Variants in CCDC80 observed in about 807,000 individuals in gnomAD.
The protein encoded by CCDC80 is coiled-coil domain containing 80.
A neutral mutation model predicts 78.7 loss-of-function variants in CCDC80; 49 were observed. The observed-to-expected ratio is 0.62, with a 90% CI of 0.50 to 0.79. The LOEUF is 0.79. Among genes scored for constraint, CCDC80 ranks in the 30% least tolerant of loss-of-function variants. The pLI is 0.00. For synonymous variants in CCDC80, 488 were observed against 447.0 expected, an observed-to-expected ratio of 1.09 and a Z score of -1.16; for missense variants, 1,205 against 1,198.6, an observed-to-expected ratio of 1.01 and a Z score of -0.08.
intron 3 of CCDC80, among the ~76,000 whole-genome samples, chr3:112,629,017 T>C (rs1021326254): frequency 3.5e-4 from 53 of 152,142 alleles, no homozygotes; most frequent in Non-Finnish European, 1.6e-4. Context: ...AAAAATATGA[T>C]TTAGAAGGCT....
chr3:112,621,115 T>C (rs1458526309), intron 3 of CCDC80, among the ~76,000 whole-genome samples: 1 of 152,170 alleles, frequency 6.6e-6, no homozygotes, highest in Non-Finnish European at 1.5e-5. Flanking sequence ...ACCCTATACC[T>C]ATGCCCAGTA....
chr3:112,607,145 T>G (rs751309220), intron 7 of CCDC80, 31 bp downstream of exon 7: 1 of 1,503,210 alleles, frequency 6.7e-7, no homozygotes, highest in East Asian at 2.3e-5. Context: ...TTAACACTAG[T>G]TCATACTGTT....
At chr3:112,623,764 G>GCCC (rs1935913005) in intron 3 of CCDC80, among the ~76,000 whole-genome samples, 1 of 151,616 alleles carries the variant, frequency 6.6e-6, no homozygotes, top group Non-Finnish European at 1.5e-5. Context: ...TTATGCTCCA[G>GCCC]CCCCCTATTT....
rs1576799766 is a variant in CCDC80 at position 112,641,071 on chromosome 3, A to G, written c.-756T>C. On this transcript the variant is annotated 5_prime_UTR_variant, in exon 1 of 8. Transcript: ENST00000206423. ...TCAAGGAAACTTCACTAAGAATTTA[A>G]CAGATCAGCAAAACACCGCCTCCTT... 1 of 152,282 alleles carries G rather than the reference A, an allele frequency of 6.6e-6. No individual in the cohort carries two copies. Among genetic ancestry groups the G allele is most frequent in the African/African-American group, 2.4e-5 (1 of 41,458 alleles). 9.4% of individuals were successfully genotyped at this position (152,282 alleles called of 1,614,324 possible). A position where few individuals can be genotyped will look rare whatever the true frequency, so the allele number is the denominator to read the frequency against.
At chr3:112,605,833 G>A (rs911535484) in intron 7 of CCDC80, 70 bp from the exon 8 acceptor site, 1 of 1,297,582 alleles carries the variant, frequency 7.7e-7, no homozygotes, top group African/African-American at 1.5e-5. Context: ...ATTAAAGTGT[G>A]AGGAAATTAC....
rs940436409 is a variant in CCDC80, at chr3:112,597,419, T to A, written c.*7998A>T. Reference sequence around the variant, plus strand: ...ACTGCAGAGCTTCTTCACGTTGGAATGGTGAATAGGTACACATTTCTCAAA... The same window carrying A: ...ACTGCAGAGCTTCTTCACGTTGGAAAGGTGAATAGGTACACATTTCTCAAA... On this transcript the variant is annotated 3_prime_UTR_variant, in exon 8 of 8. Coordinates refer to ENST00000206423, the MANE Select transcript of CCDC80 (RefSeq NM_199511.3). The A allele has an allele frequency of 3.3e-5, 5 of 152,240 alleles. No individual in the cohort carries two copies. The highest frequency in any genetic ancestry group is 1.2e-4 in the African/African-American group (5 of 41,472). 9.4% of individuals were successfully genotyped at this position (152,240 alleles called of 1,614,324 possible).
intron 5 of CCDC80, 135 bp from the exon 6 acceptor site, chr3:112,610,216 T>G: frequency 1.4e-6 from 1 of 723,578 alleles, no homozygotes; most frequent in African/African-American, 1.8e-5. Context: ...CAGAGAACTG[T>G]CCCATGCTTC....
chr3:112,605,601 T>C lies in CCDC80; in HGVS notation c.2669A>G (p.Tyr890Cys). The C allele has an allele frequency of 6.2e-7, 1 of 1,614,190 alleles. No homozygotes were observed. The highest frequency in any genetic ancestry group is 1.3e-5 in the African/African-American group (1 of 75,050). The change falls in exon 8 of 8, where the codon TAC (tyrosine) becomes TGC (cysteine). Residue 890 changes from tyrosine to cysteine, a missense_variant. Transcript: ENST00000206423. ...PSPMWSMVIV[Y>C]DLIDSMQLRR... ...AAGTTGCATCGAATCAATTAAATCGTACACAATCACCATGGACCACATTGG... is the reference window on the plus strand; with the variant it reads ...AAGTTGCATCGAATCAATTAAATCGCACACAATCACCATGGACCACATTGG...
Position 112,602,163 on chromosome 3 carries a change from T to C in CCDC80, c.*3254A>G, listed in dbSNP as rs1559872523. ...ATTAAAATCTGTAGTCAACGATCTT[T>C]GATGTTGCTATTATAATTACTGGGG... On this transcript the variant is annotated 3_prime_UTR_variant, in exon 8 of 8. Coordinates refer to ENST00000206423, the MANE Select transcript of CCDC80 (RefSeq NM_199511.3). 1 of 152,240 alleles carries C rather than the reference T, an allele frequency of 6.6e-6. No homozygotes were observed. The highest frequency in any genetic ancestry group is 1.5e-5 in the Non-Finnish European group (1 of 68,036). 9.4% of individuals were successfully genotyped at this position (152,240 alleles called of 1,614,324 possible). A position where few individuals can be genotyped will look rare whatever the true frequency, so the allele number is the denominator to read the frequency against.
At position 112,597,986 on chromosome 3, in the gene CCDC80, G is replaced by A. The variant is rs777593359; in HGVS notation, c.*7431C>T. On this transcript the variant is annotated 3_prime_UTR_variant, in exon 8 of 8. Transcript: ENST00000206423. ...AAATACAATAAATGTTTGAATTATC[G>A]TATAACTTGAGTCTAAATTTTAAGT... is the stretch of plus-strand genomic sequence containing the variant. 12 of 152,072 alleles carry A rather than the reference G, an allele frequency of 7.9e-5. No individual in the cohort carries two copies. The highest frequency in any genetic ancestry group is 2.7e-4 in the African/African-American group (11 of 41,400). 9.4% of individuals were successfully genotyped at this position (152,072 alleles called of 1,614,324 possible). A position where few individuals can be genotyped will look rare whatever the true frequency, so the allele number is the denominator to read the frequency against.
chr3:112,610,159 TA>T, intron 5 of CCDC80, 78 bp from the exon 6 acceptor site: 4 of 1,256,022 alleles, frequency 3.2e-6, no homozygotes, highest in Middle Eastern at 1.9e-4. Context: ...CAGAGTGACT[TA>T]GGCTAGCAAT....
Position 112,639,775 on chromosome 3 carries a change from T to C in CCDC80, c.131A>G (p.Asp44Gly), listed in dbSNP as rs199780053. 1 of 1,614,146 alleles carries C rather than the reference T, an allele frequency of 6.2e-7. No homozygotes were observed. Among genetic ancestry groups the C allele is most frequent in the East Asian group, 2.2e-5 (1 of 44,872 alleles). ...GGRKVPLVSP[D>G]SSRPARFLRH... Reference sequence around the variant, plus strand: ...CAGAAACCGAGCTGGCCTACTGCTGTCCGGAGAAACCAAAGGCACTTTCCG... The same window carrying C: ...CAGAAACCGAGCTGGCCTACTGCTGCCCGGAGAAACCAAAGGCACTTTCCG... Residue 44 changes from aspartate to glycine, a missense_variant, in exon 2 of 8, where the codon GAC becomes GGC. Coordinates refer to ENST00000206423, the MANE Select transcript of CCDC80 (RefSeq NM_199511.3).
Position 112,601,246 on chromosome 3 carries a change from T to C in CCDC80, c.*4171A>G, listed in dbSNP as rs1559872235. Reference sequence around the variant, plus strand: ...ATTTATTTATAACAAAGTTCAGATATAAAGAAAAATCTGAACATACAGTAG... The same window carrying C: ...ATTTATTTATAACAAAGTTCAGATACAAAGAAAAATCTGAACATACAGTAG... On this transcript the variant is annotated 3_prime_UTR_variant, in exon 8 of 8. Transcript: ENST00000206423. 6.6e-6 allele frequency: 1 copy of C among 152,164 alleles called. No individual in the cohort carries two copies. Among genetic ancestry groups the C allele is most frequent in the African/African-American group, 2.4e-5 (1 of 41,434 alleles). The allele number at this position is 152,164 out of a possible 1,614,324, so 9.4% of individuals were successfully genotyped here.
chr3:112,623,019 T>C (rs1246939270), intron 3 of CCDC80, among the ~76,000 whole-genome samples: 1 of 152,044 alleles, frequency 6.6e-6, no homozygotes, highest in Non-Finnish European at 1.5e-5. Flanking sequence ...ACTGTCTACA[T>C]ACTCCTGATC....
intron 3 of CCDC80, among the ~76,000 whole-genome samples, chr3:112,620,068 C>T (rs1935831642): frequency 6.6e-6 from 1 of 152,140 alleles, no homozygotes; most frequent in African/African-American, 2.4e-5. Context: ...ACCAACATCA[C>T]TACCCAGTGA....
rs1935324030 is a variant in CCDC80, at chr3:112,598,575, TG to T, written c.*6841del. Reference sequence around the variant, plus strand: ...CTCCCTTGGCATATGTATCAGCCCATGGATTGGGAGGTGTAGGACCATTCTT... The same window carrying T: ...CTCCCTTGGCATATGTATCAGCCCATGATTGGGAGGTGTAGGACCATTCTT... On this transcript the variant is annotated 3_prime_UTR_variant, in exon 8 of 8. Transcript: ENST00000206423. The T allele has an allele frequency of 6.6e-6, 1 of 152,284 alleles. No homozygotes were observed. The highest frequency in any genetic ancestry group is 2.1e-4 in the South Asian group (1 of 4,834). The allele number at this position is 152,284 out of a possible 1,614,324, so 9.4% of individuals were successfully genotyped here. A position where few individuals can be genotyped will look rare whatever the true frequency, so the allele number is the denominator to read the frequency against.
chr3:112,618,804 A>C (rs1344809965), intron 4 of CCDC80, among the ~76,000 whole-genome samples, 164 bp downstream of exon 4: 1 of 152,232 alleles, frequency 6.6e-6, no homozygotes, highest in Non-Finnish European at 1.5e-5. Context: ...ACATTTCTGG[A>C]TGCAAATTCG....
intron 3 of CCDC80, among the ~76,000 whole-genome samples, chr3:112,625,811 G>C (rs1467145281): frequency 6.6e-6 from 1 of 152,078 alleles, no homozygotes; most frequent in Non-Finnish European, 1.5e-5. Flanking sequence ...TACAAGACTT[G>C]TCTGTGTACA....
chr3:112,631,791 G>T (rs866397205), intron 2 of CCDC80, among the ~76,000 whole-genome samples: 2 of 151,938 alleles, frequency 1.3e-5, no homozygotes, highest in Non-Finnish European at 2.9e-5. Flanking sequence ...AATTCTCCCC[G>T]CATGACAAAA....
Sources: gnomAD v4.1 joint callset for allele counts (sites outside exome capture counted in the v4.1 genomes callset) on GRCh38, gnomAD v4.1.1 for gene constraint, MANE v1.5 for transcripts, NCBI Gene and HGNC (gene_info 2026-07-23, HGNC 2026-07-21) for gene names.